FSTL5: variants seen among roughly 807,000 people sequenced by gnomAD.
FSTL5 encodes the protein follistatin like 5.
In FSTL5, 62 loss-of-function variants were observed where a neutral mutation model predicts 89.1. The ratio of observed to expected loss-of-function variants is 0.70; its 90% CI spans 0.57 to 0.86. The LOEUF is 0.86. Among genes scored for constraint, FSTL5 ranks in the 40% least tolerant of loss-of-function variants. The pLI is 0.00. For missense variants in FSTL5, 1,057 were observed against 1,001.6 expected (o/e 1.06, Z -0.75); for synonymous variants, 383 against 346.2 (o/e 1.11, Z -1.18).
chr4:161,820,386 T>A (rs1025827758), intron 4 of FSTL5, among the ~76,000 whole-genome samples: 4 of 152,134 alleles, frequency 2.6e-5, no homozygotes, highest in Admixed American at 1.3e-4. Flanking sequence ...TTAATTCCAA[T>A]AGAGAGACAC....
intron 2 of FSTL5, among the ~76,000 whole-genome samples, chr4:162,060,230 T>C (rs533264010): frequency 5.3e-4 from 81 of 152,264 alleles, no homozygotes; most frequent in Non-Finnish European, 7.4e-4. Flanking sequence ...TTAAAAATTA[T>C]AGTTGAGATA....
chr4:161,635,962 C>A (rs1010819923), intron 7 of FSTL5, among the ~76,000 whole-genome samples: 3 of 152,054 alleles, frequency 2.0e-5, no homozygotes, highest in African/African-American at 7.2e-5. Flanking sequence ...AATTCCTTAA[C>A]TGGGAAAAAC....
chr4:162,023,147 G>C (rs774189462), intron 3 of FSTL5, among the ~76,000 whole-genome samples: 3 of 152,028 alleles, frequency 2.0e-5, no homozygotes, highest in Non-Finnish European at 2.9e-5. Flanking sequence ...ATCTTTTTAG[G>C]TGATTTTCGT....
rs184952650 is a variant in FSTL5 at position 161,551,501 on chromosome 4, T to C, written c.1016-8808A>G. On this transcript the variant is annotated intron_variant, in intron 8 of 15. Coordinates refer to ENST00000306100, the MANE Select transcript of FSTL5 (RefSeq NM_020116.5). ...GGATATTAGCCCTTTGTCAGATGAG[T>C]AGCCAAAAAAGAGCCCGCATTGCCA... Among the ~76,000 whole-genome samples, 10 of 151,650 alleles carry C rather than the reference T, an allele frequency of 6.6e-5. No individual in the cohort carries two copies. The East Asian group carries it at 2.0e-3, about 30-fold the overall frequency.
At chr4:161,722,375 C>T (rs1221462003) in intron 6 of FSTL5, among the ~76,000 whole-genome samples, 1 of 152,118 alleles carries the variant, frequency 6.6e-6, no homozygotes, top group Non-Finnish European at 1.5e-5. Context: ...GTTAGGTCAT[C>T]TAAGTCTTTT....
At chr4:161,872,936 G>A (rs1732322182) in intron 4 of FSTL5, among the ~76,000 whole-genome samples, 1 of 151,880 alleles carries the variant, frequency 6.6e-6, no homozygotes, top group East Asian at 1.9e-4. Context: ...AATGAGAGGG[G>A]AAAAAAGGAC....
At chr4:161,742,322 G>A (rs1265658344) in intron 6 of FSTL5, among the ~76,000 whole-genome samples, 3 of 152,084 alleles carry the variant, frequency 2.0e-5, no homozygotes, top group Admixed American at 6.6e-5. Flanking sequence ...TGAATGCAGC[G>A]GGATCATGTA....
At position 161,930,171 on chromosome 4, in the gene FSTL5, C is replaced by G. The variant is rs959718943; in HGVS notation, c.161-9519G>C. ...TCTGGTTTCTGTGTTGTAAAATACT[C>G]CCACAGTGTCTGATCTGCAGCTACA... is the stretch of plus-strand genomic sequence containing the variant. On this transcript the variant is annotated intron_variant, in intron 3 of 15. Transcript: ENST00000306100. Among the ~76,000 whole-genome samples, 8 of 151,756 alleles carry G rather than the reference C, an allele frequency of 5.3e-5. No homozygotes were observed. The Admixed American group carries it at 5.3e-4, about 10-fold the overall frequency.
intron 4 of FSTL5, among the ~76,000 whole-genome samples, chr4:161,800,503 T>A (rs577189660): frequency 6.6e-6 from 1 of 151,716 alleles, no homozygotes; most frequent in African/African-American, 2.4e-5. Flanking sequence ...AAAGAGAAAA[T>A]CTTCCTCAAG....
intron 15 of FSTL5, among the ~76,000 whole-genome samples, chr4:161,445,812 C>A (rs1299657800): frequency 6.6e-6 from 1 of 151,960 alleles, no homozygotes; most frequent in African/African-American, 2.4e-5. Context: ...TTTGTTTGAA[C>A]CATATCTTAA....
Position 161,776,066 on chromosome 4 carries a change from A to ACTTAT in FSTL5, c.413_417dup (p.Cys140IlefsTer11). 6.7e-7 allele frequency: 1 copy of ACTTAT among 1,483,660 alleles called. No individual in the cohort carries two copies. The highest frequency in any genetic ancestry group is 9.1e-7 in the Non-Finnish European group (1 of 1,099,426). 91.9% of individuals were successfully genotyped at this position (1,483,660 alleles called of 1,614,324 possible). ...ATCTTGCTGTATTCAGTAGTCTTGC[A>ACTTAT]CTTATCTCCTGTAACAAAAGAACTA... On this transcript the variant is annotated frameshift_variant, in exon 5 of 16. Transcript: ENST00000306100. LOFTEE classifies it high-confidence loss of function.
At chr4:162,019,620 C>T (rs1578952340) in intron 3 of FSTL5, among the ~76,000 whole-genome samples, 1 of 151,864 alleles carries the variant, frequency 6.6e-6, no homozygotes, top group African/African-American at 2.4e-5. Context: ...CTTACTCCTT[C>T]ACTCAGCACC....
At chr4:161,806,013 A>G (rs1305423929) in intron 4 of FSTL5, among the ~76,000 whole-genome samples, 1 of 152,094 alleles carries the variant, frequency 6.6e-6, no homozygotes, top group Non-Finnish European at 1.5e-5. Flanking sequence ...TTAAAAATTA[A>G]ACTTTGTCAT....
At chr4:161,471,285 A>G (rs771308506) in intron 13 of FSTL5, among the ~76,000 whole-genome samples, 15 of 152,144 alleles carry the variant, frequency 9.9e-5, no homozygotes, top group Non-Finnish European at 1.8e-4. Flanking sequence ...ATTTTATCAC[A>G]TGCTTTTTTC....
chr4:161,538,444 A>G (rs1731708537), intron 9 of FSTL5, 144 bp from the exon 10 acceptor site: 5 of 844,668 alleles, frequency 5.9e-6, no homozygotes, highest in South Asian at 3.3e-5. Flanking sequence ...AGGCATGCCA[A>G]ATTATTCCAG....
intron 7 of FSTL5, among the ~76,000 whole-genome samples, chr4:161,648,118 T>A (rs1401912835): frequency 6.6e-6 from 1 of 152,142 alleles, no homozygotes; most frequent in Non-Finnish European, 1.5e-5. Context: ...TCCAAGCCCA[T>A]GTGTGATCCG....
rs114017812 is a variant in FSTL5, at chr4:161,432,858, A to G, written c.1841+22146T>C. 6.7e-3 allele frequency among the ~76,000 whole-genome samples: 1,027 copies of G among 152,154 alleles called. 13 individuals carry two copies. Among genetic ancestry groups the G allele is most frequent in the African/African-American group, 0.024 (998 of 41,558 alleles). On this transcript the variant is annotated intron_variant, in intron 15 of 15. Coordinates refer to ENST00000306100, the MANE Select transcript of FSTL5 (RefSeq NM_020116.5). ...GAAACGGATACATTCCTGGATACAT[A>G]CAATCTACCAAGATTGAACAATGAA...
chr4:161,828,508 T>TA (rs1367661650), intron 4 of FSTL5, among the ~76,000 whole-genome samples: 1 of 152,218 alleles, frequency 6.6e-6, no homozygotes, highest in African/African-American at 2.4e-5. Flanking sequence ...AGTAGTCTGA[T>TA]AAGTTCTTTG....
intron 7 of FSTL5, among the ~76,000 whole-genome samples, chr4:161,642,132 G>A (rs1300308571): frequency 2.6e-5 from 4 of 152,104 alleles, no homozygotes; most frequent in Non-Finnish European, 5.9e-5. Context: ...CCACAATCAA[G>A]TTAACTAACA....
Sources: allele counts gnomAD v4.1 joint callset (sites outside exome capture counted in the v4.1 genomes callset), GRCh38; gene constraint gnomAD v4.1.1; transcripts MANE v1.5; gene names NCBI Gene and HGNC (gene_info 2026-07-23, HGNC 2026-07-21).